The following RMP64 variants were observed in gnomAD, a reference collection of about 807,000 sequenced individuals.
RMP64 encodes nucleolus and neural progenitor protein.
the RMP64 span, chr3:113,012,697 G>A: frequency 8.7e-7 from 1 of 1,146,862 alleles, no homozygotes; most frequent in Middle Eastern, 1.9e-4. Flanking sequence ...GAAAGGAGAT[G>A]AGAAAGAAAT....
the RMP64 span, chr3:113,011,538 T>A: frequency 1.4e-6 from 1 of 708,150 alleles, no homozygotes. Flanking sequence ...AACACTATAG[T>A]GCACACTTGC....
the RMP64 span, chr3:113,013,514 T>C: frequency 1.9e-6 from 2 of 1,046,372 alleles, no homozygotes; most frequent in East Asian, 5.2e-5. Flanking sequence ...TGACAAAGGA[T>C]TGAAACAAAG....
the RMP64 span, among the ~76,000 whole-genome samples, chr3:113,009,968 G>A: frequency 1.1e-5 from 1 of 95,144 alleles, no homozygotes; most frequent in Non-Finnish European, 3.0e-5. Flanking sequence ...CAAAGACAGG[G>A]TTAAAAAAAA....
the RMP64 span, among the ~76,000 whole-genome samples, chr3:113,010,149 G>A: frequency 1.4e-4 from 21 of 152,256 alleles, no homozygotes; most frequent in Middle Eastern, 3.4e-3. Context: ...CAAAATGACC[G>A]TAGCTAATAA....
the RMP64 span, chr3:113,010,842 A>C: frequency 1.2e-6 from 1 of 842,628 alleles, no homozygotes; most frequent in Admixed American, 2.8e-5. Context: ...ACTAGGAAGC[A>C]ACTACAGAAA....
At chr3:113,014,368 T>TC in the RMP64 span, 1 of 193,232 alleles carries the variant, frequency 5.2e-6, no homozygotes, top group African/African-American at 2.4e-5. Context: ...TTTTTTTTTT[T>TC]TTTTTCAGAT....
chr3:113,012,634 C>T, the RMP64 span: 5 of 737,380 alleles, frequency 6.8e-6, no homozygotes, highest in African/African-American at 7.1e-5. Context: ...CCTGCACCTT[C>T]CATAACCCCA....
At chr3:113,017,318 A>C in the RMP64 span, 58 of 638,256 alleles carry the variant, frequency 9.1e-5, no homozygotes, top group Non-Finnish European at 1.4e-4. Context: ...ACTGTGGGCT[A>C]TAGGCCTATA....
At chr3:113,016,768 GA>G in the RMP64 span, among the ~76,000 whole-genome samples, 1 of 152,184 alleles carries the variant, frequency 6.6e-6, no homozygotes, top group Non-Finnish European at 1.5e-5. Context: ...CTGGCACACA[GA>G]AAGTTCAAAA....
At chr3:113,003,872 T>C in the RMP64 span, 1 of 151,844 alleles carries the variant, frequency 6.6e-6, no homozygotes, top group East Asian at 1.9e-4. Flanking sequence ...TCCCAGGGAG[T>C]TTTTTTCTGA....
At chr3:113,005,883 T>C in the RMP64 span, 1 of 1,613,808 alleles carries the variant, frequency 6.2e-7, no homozygotes, top group Non-Finnish European at 8.5e-7. Flanking sequence ...TTCCTTTGTC[T>C]CCGTAAAAAT....
At chr3:113,011,363 C>G in the RMP64 span, 7 of 1,599,992 alleles carry the variant, frequency 4.4e-6, no homozygotes, top group African/African-American at 1.4e-5. Context: ...AACAAAGGCT[C>G]ATATAACAAA....
At chr3:113,005,489 G>A in the RMP64 span, 59,193 of 1,245,174 alleles carry the variant, frequency 0.048, 2,617 homozygotes, top group East Asian at 0.21. Context: ...TTAGAACACT[G>A]AACTAGCCTT....
the RMP64 span, among the ~76,000 whole-genome samples, chr3:113,016,425 A>C: frequency 3.7e-5 from 4 of 107,874 alleles, no homozygotes; most frequent in Non-Finnish European, 9.8e-5. Flanking sequence ...GACTGCCTGG[A>C]TGGGAGAGCT....
At chr3:113,018,356 G>A in the RMP64 span, among the ~76,000 whole-genome samples, 5 of 152,204 alleles carry the variant, frequency 3.3e-5, no homozygotes, top group Admixed American at 1.3e-4. Context: ...GTGAGTTGGT[G>A]AATTTCCCAG....
At chr3:113,015,564 G>A in the RMP64 span, among the ~76,000 whole-genome samples, 509 of 150,612 alleles carry the variant, frequency 3.4e-3, no homozygotes, top group Non-Finnish European at 6.5e-3. Flanking sequence ...TGCCCTACAT[G>A]TACTCCACAG....
chr3:113,009,303 T>G, the RMP64 span, among the ~76,000 whole-genome samples: 1 of 152,148 alleles, frequency 6.6e-6, no homozygotes, highest in African/African-American at 2.4e-5. Context: ...CTTCCAAATT[T>G]CTTACACTCA....
chr3:113,005,438 CTG>C, the RMP64 span: 1 of 753,538 alleles, frequency 1.3e-6, no homozygotes, highest in South Asian at 1.7e-5. Context: ...AGCAGCTCCT[CTG>C]TGAGTCCAGG....
the RMP64 span, chr3:113,003,976 CTA>C: frequency 1.3e-5 from 2 of 152,172 alleles, no homozygotes; most frequent in East Asian, 3.9e-4. Context: ...GTCCACAAAG[CTA>C]TACACCAGTT....
Sources: gnomAD v4.1 joint callset for allele counts (sites outside exome capture counted in the v4.1 genomes callset) on GRCh38, gnomAD v4.1.1 for gene constraint, MANE v1.5 for transcripts, NCBI Gene and HGNC (gene_info 2026-07-23, HGNC 2026-07-21) for gene names.